Variants in DSCAM observed in about 807,000 individuals in gnomAD.
The protein encoded by DSCAM is cell adhesion molecule DSCAM.
In DSCAM, 47 loss-of-function variants were observed where a neutral mutation model predicts 217.7. The observed-to-expected ratio is 0.22, with a 90% confidence interval of 0.17 to 0.28. The LOEUF (loss-of-function observed/expected upper bound fraction) is 0.28, where lower values mean the gene tolerates loss of function less well. DSCAM is among the 10% of genes least tolerant of loss of function. The pLI, the probability that DSCAM is intolerant of heterozygous loss-of-function variation, is 1.00. For missense variants in DSCAM, 2,080 were observed against 2,618.3 expected (o/e 0.79, Z 4.49); for synonymous variants, 1,056 against 1,015.3 (o/e 1.04, Z -0.76).
chr21:40,138,947 G>A (rs1160397940), intron 18 of DSCAM, among the ~76,000 whole-genome samples: 1 of 149,020 alleles, frequency 6.7e-6, no homozygotes, highest in East Asian at 2.0e-4. Flanking sequence ...TGTATATGGG[G>A]TGTGTGTGGT....
chr21:40,501,759 T>A (rs2076171721), intron 3 of DSCAM, among the ~76,000 whole-genome samples: 1 of 152,068 alleles, frequency 6.6e-6, no homozygotes, highest in African/African-American at 2.4e-5. Context: ...GCCCAGCTAA[T>A]TTTTGTATTT....
rs142953146 is a variant in DSCAM, at chr21:40,325,247, A to C, written c.1783+12854T>G. Among the ~76,000 whole-genome samples, 182 of 152,294 alleles carry C rather than the reference A, an allele frequency of 1.2e-3. 3 individuals are homozygous for C. The highest frequency in any genetic ancestry group is 0.011 in the Admixed American group (172 of 15,292). ...CAGAACTAAGACTGCCTCTGACAGC[A>C]CCATCATGGTATCTTGGTAGATGGA... On this transcript the variant is annotated intron_variant, in intron 8 of 32. Coordinates refer to ENST00000400454, the MANE Select transcript of DSCAM (RefSeq NM_001389.5).
chr21:40,481,487 G>A (rs1182539929), intron 3 of DSCAM, among the ~76,000 whole-genome samples: 1 of 127,022 alleles, frequency 7.9e-6, no homozygotes, highest in Non-Finnish European at 1.5e-5. Flanking sequence ...TCATGCCACT[G>A]CACTCCAGCC....
At chr21:40,132,908 G>A (rs931229605) in intron 19 of DSCAM, among the ~76,000 whole-genome samples, 4 of 152,182 alleles carry the variant, frequency 2.6e-5, no homozygotes, top group Non-Finnish European at 5.9e-5. Context: ...ATACACAGGA[G>A]GTGACCAGCA....
intron 11 of DSCAM, among the ~76,000 whole-genome samples, chr21:40,200,768 G>C (rs951317223): frequency 6.6e-6 from 1 of 152,166 alleles, no homozygotes; most frequent in Non-Finnish European, 1.5e-5. Context: ...AGAACAATGA[G>C]ACCTGCCGCC....
At chr21:40,842,883 G>A (rs1193887474) in intron 1 of DSCAM, among the ~76,000 whole-genome samples, 1 of 152,180 alleles carries the variant, frequency 6.6e-6, no homozygotes, top group Admixed American at 6.5e-5. Context: ...GGCATTTATT[G>A]AAGGTCTGCG....
chr21:40,816,340 G>T (rs532998584), intron 1 of DSCAM, among the ~76,000 whole-genome samples: 1 of 152,108 alleles, frequency 6.6e-6, no homozygotes, highest in Non-Finnish European at 1.5e-5. Flanking sequence ...GGTGACCTTG[G>T]GAGGCCAAAG....
In DSCAM at chr21:40,598,081, C is replaced by G. The variant is rs1026369612; in HGVS notation, c.508+94729G>C. Among the ~76,000 whole-genome samples, 6 of 152,176 alleles carry G rather than the reference C, an allele frequency of 3.9e-5. 1 individual carries two copies. The highest frequency in any genetic ancestry group is 2.0e-4 in the Admixed American group (3 of 15,280). On this transcript the variant is annotated intron_variant, in intron 3 of 32. Transcript: ENST00000400454. ...GAATAGTTTTACTGCCTCACAAATCCCTGGGGTTTGTCCTGTTCATCTTTC... is the reference window on the plus strand; with the variant it reads ...GAATAGTTTTACTGCCTCACAAATCGCTGGGGTTTGTCCTGTTCATCTTTC...
intron 11 of DSCAM, among the ~76,000 whole-genome samples, chr21:40,269,572 AAAC>A (rs1391327469): frequency 6.6e-6 from 1 of 152,216 alleles, no homozygotes; most frequent in African/African-American, 2.4e-5. Flanking sequence ...TGGGGTGCTT[AAAC>A]AACAGCAATT....
At chr21:40,378,554 A>ATTTTTTTTTTTTTTTTTTTTTT (rs71186931) in intron 3 of DSCAM, among the ~76,000 whole-genome samples, 1 of 75,650 alleles carries the variant, frequency 1.3e-5, no homozygotes, top group Non-Finnish European at 2.5e-5. Context: ...ATGAAAACTT[A>ATTTTTTTTTTTTTTTTTTTTTT]TTTTTTTTTT....
intron 3 of DSCAM, among the ~76,000 whole-genome samples, chr21:40,616,648 G>T (rs2089398270): frequency 6.6e-6 from 1 of 152,116 alleles, no homozygotes; most frequent in African/African-American, 2.4e-5. Context: ...GCCACTGCGT[G>T]TTTTTTCACT....
At chr21:40,303,199 C>T (rs1171132403) in intron 9 of DSCAM, among the ~76,000 whole-genome samples, 1 of 152,112 alleles carries the variant, frequency 6.6e-6, no homozygotes, top group African/African-American at 2.4e-5. Context: ...TATTGCTTTC[C>T]CATCATTCTG....
intron 11 of DSCAM, among the ~76,000 whole-genome samples, chr21:40,225,503 T>C (rs1386878178): frequency 6.6e-6 from 1 of 152,122 alleles, no homozygotes; most frequent in African/African-American, 2.4e-5. Flanking sequence ...ACGGCTAAAA[T>C]CCTGCCAGAT....
chr21:40,527,405 T>G (rs1442086260), intron 3 of DSCAM, among the ~76,000 whole-genome samples: 1 of 152,190 alleles, frequency 6.6e-6, no homozygotes, highest in Non-Finnish European at 1.5e-5. Context: ...AGTCTAAGCT[T>G]CTGCACACTC....
At chr21:40,483,476 G>A (rs1265507653) in intron 3 of DSCAM, among the ~76,000 whole-genome samples, 1 of 152,152 alleles carries the variant, frequency 6.6e-6, no homozygotes, top group Non-Finnish European at 1.5e-5. Context: ...AAATTACCAT[G>A]GGAATTATAT....
chr21:40,195,163 T>C (rs1236700393), intron 11 of DSCAM, among the ~76,000 whole-genome samples: 5 of 152,212 alleles, frequency 3.3e-5, no homozygotes, highest in Non-Finnish European at 7.3e-5. Flanking sequence ...GATGAATATC[T>C]TAATTTTTTA....
intron 1 of DSCAM, among the ~76,000 whole-genome samples, chr21:40,752,667 T>A (rs935027412): frequency 6.6e-6 from 1 of 152,074 alleles, no homozygotes; most frequent in Non-Finnish European, 1.5e-5. Context: ...AGCCTGGGCA[T>A]CGGAGAAAGA....
chr21:40,078,867 G>C lies in DSCAM; in HGVS notation c.4531C>G (p.Leu1511Val). ...DGGCPITSFT[L>V]EYRPFGTTVW... Reference sequence around the variant, plus strand: ...GTGGTCCCAAAGGGCCTGTACTCTAGTGTGAAGGAGGTGATGGGGCAGCCG... The same window carrying C: ...GTGGTCCCAAAGGGCCTGTACTCTACTGTGAAGGAGGTGATGGGGCAGCCG... Residue 1511 changes from leucine (L) to valine (V), a missense_variant, in exon 26 of 33, where the codon CTA becomes GTA. By Grantham distance (32) the Leu-to-Val change is conservative. Coordinates refer to ENST00000400454, the MANE Select transcript of DSCAM (RefSeq NM_001389.5). 1 of 1,614,212 alleles carries C rather than the reference G, an allele frequency of 6.2e-7. No homozygotes were observed. The highest frequency in any genetic ancestry group is 8.5e-7 in the Non-Finnish European group (1 of 1,180,044).
At chr21:40,018,268 C>T (rs1020895778) in intron 32 of DSCAM, among the ~76,000 whole-genome samples, 1 of 152,184 alleles carries the variant, frequency 6.6e-6, no homozygotes, top group Non-Finnish European at 1.5e-5. Flanking sequence ...TAGTTTTATA[C>T]ATTCAATCTC....
Sources: gnomAD v4.1 joint callset for allele counts (sites outside exome capture counted in the v4.1 genomes callset) on GRCh38, gnomAD v4.1.1 for gene constraint, MANE v1.5 for transcripts, NCBI Gene and HGNC (gene_info 2026-07-23, HGNC 2026-07-21) for gene names.